MRE11: variants seen among roughly 807,000 people sequenced by gnomAD.
The protein encoded by MRE11 is double-strand break repair protein MRE11.
MRE11 carries 62 observed loss-of-function variants against 91.7 expected under a neutral mutation model. The observed-to-expected ratio is 0.68, with a 90% CI of 0.55 to 0.84. The LOEUF is 0.84. Ranked by LOEUF, MRE11 falls within the 40% of genes least tolerant of loss-of-function variation. The probability of loss-of-function intolerance (pLI) is 0.00; values close to 1 mark genes in which losing one functional copy is unlikely to be tolerated. For missense variants in MRE11, 796 were observed against 852.9 expected (o/e 0.93, Z 0.83); for synonymous variants, 273 against 271.4 (o/e 1.01, Z -0.06).
chr11:94,477,374 GA>G (rs1385307985), intron 6 of MRE11, among the ~76,000 whole-genome samples: 1 of 151,910 alleles, frequency 6.6e-6, no homozygotes, highest in Admixed American at 6.6e-5. Flanking sequence ...TCTAGTGAAA[GA>G]AACTAACAAA....
chr11:94,490,518 T>C (rs1947257447), intron 3 of MRE11, among the ~76,000 whole-genome samples: 1 of 152,224 alleles, frequency 6.6e-6, no homozygotes, highest in African/African-American at 2.4e-5. Context: ...TCACACCAGT[T>C]TTCTTCTACG....
chr11:94,457,396 G>A (rs754553581), intron 13 of MRE11, among the ~76,000 whole-genome samples: 1 of 152,216 alleles, frequency 6.6e-6, no homozygotes, highest in Non-Finnish European at 1.5e-5. Context: ...TTCTGCTCTA[G>A]AAGAGGAACA....
chr11:94,425,244 CA>C (rs1945281185), intron 19 of MRE11, among the ~76,000 whole-genome samples: 1 of 152,238 alleles, frequency 6.6e-6, no homozygotes, highest in East Asian at 1.9e-4. Context: ...CATATCCCAC[CA>C]AACTAAGCTT....
chr11:94,444,177 A>T (rs1481216129), intron 16 of MRE11, among the ~76,000 whole-genome samples: 1 of 152,022 alleles, frequency 6.6e-6, no homozygotes, highest in Non-Finnish European at 1.5e-5. Context: ...CCAAAGTGGT[A>T]GGATTATAGG....
In MRE11 at chr11:94,470,607, A is replaced by G. The variant is rs1591692940; in HGVS notation, c.881T>C (p.Met294Thr). Residue 294 changes from methionine (M) to threonine (T), a missense_variant, in exon 9 of 20, where the codon ATG (methionine) becomes ACG (threonine). Met to Thr is a moderately conservative substitution (Grantham distance 81, BLOSUM62 -1). Coordinates refer to ENST00000323929, the MANE Select transcript of MRE11 (RefSeq NM_005591.4). ...VGLLRIKGRKMNMHKIPLHTV... is the reference protein window; with the variant it reads ...VGLLRIKGRKTNMHKIPLHTV... ...GTGAAGAGGAATTTTATGCATATTC[A>G]TCTTCCTCCCTTTAATACGCAGCAA... 6.2e-7 allele frequency: 1 copy of G among 1,613,246 alleles called. No individual in the cohort carries two copies. Among genetic ancestry groups the G allele is most frequent in the Non-Finnish European group, 8.5e-7 (1 of 1,179,382 alleles).
At chr11:94,454,224 C>T (rs1035648955) in intron 14 of MRE11, among the ~76,000 whole-genome samples, 1 of 151,956 alleles carries the variant, frequency 6.6e-6, no homozygotes, top group African/African-American at 2.4e-5. Context: ...CAGGTGGGAG[C>T]TACCATGCCT....
chr11:94,453,974 CAT>C (rs1448035023), intron 14 of MRE11, among the ~76,000 whole-genome samples: 9 of 152,056 alleles, frequency 5.9e-5, no homozygotes, highest in African/African-American at 2.2e-4. Context: ...AGAGACCACA[CAT>C]GTCCCGCAAA....
At chr11:94,478,675 A>G in intron 6 of MRE11, 60 bp downstream of exon 6, 2 of 1,594,266 alleles carry the variant, frequency 1.3e-6, no homozygotes, top group Non-Finnish European at 1.7e-6. Flanking sequence ...TTATCTCCAA[A>G]TTTCTCAATT....
At chr11:94,439,158 T>C (rs1184433870) in intron 16 of MRE11, among the ~76,000 whole-genome samples, 1 of 152,166 alleles carries the variant, frequency 6.6e-6, no homozygotes. Context: ...AATTTGACCT[T>C]TATTTATCTC....
Position 94,492,766 on chromosome 11 carries a change from G to C in MRE11, c.20+16C>G. The C allele has an allele frequency of 1.9e-6, 3 of 1,613,942 alleles. No homozygotes were observed. The highest frequency in any genetic ancestry group is 2.5e-6 in the Non-Finnish European group (3 of 1,179,894). On this transcript the variant is annotated intron_variant, in intron 2 of 19. Transcript: ENST00000323929. ...AAACCCCAAATAACAAGGGATTCCAGAAGTCAGGTGCTTACAGTGCATCTG... is the reference window on the plus strand; with the variant it reads ...AAACCCCAAATAACAAGGGATTCCACAAGTCAGGTGCTTACAGTGCATCTG...
chr11:94,460,853 A>C (rs1591674557), intron 12 of MRE11, 83 bp downstream of exon 12: 1 of 1,129,720 alleles, frequency 8.9e-7, no homozygotes, highest in South Asian at 1.3e-5. Flanking sequence ...CATTTTGTTT[A>C]AACTATCAAC....
At chr11:94,443,951 G>A (rs1475436803) in intron 16 of MRE11, among the ~76,000 whole-genome samples, 3 of 130,418 alleles carry the variant, frequency 2.3e-5, no homozygotes, top group Admixed American at 8.6e-5. Context: ...GAGACGCTCC[G>A]TCACCCAGTT....
intron 9 of MRE11, 149 bp downstream of exon 9, chr11:94,470,322 A>C: frequency 1.3e-6 from 1 of 784,010 alleles, no homozygotes; most frequent in Non-Finnish European, 2.0e-6. Context: ...GACACAATTA[A>C]ACACATTCAC....
At position 94,471,866 on chromosome 11, in the gene MRE11, C is replaced by A. The variant is rs527825571; in HGVS notation, c.660-107G>T. ...CCATTCACTAAAGATTTTATTGCATCCTTCTATGTACCAGAAAGTGTGCAC... is the reference window on the plus strand; with the variant it reads ...CCATTCACTAAAGATTTTATTGCATACTTCTATGTACCAGAAAGTGTGCAC... On this transcript the variant is annotated intron_variant, in intron 7 of 19. Transcript: ENST00000323929. The A allele has an allele frequency of 1.6e-5, 14 of 871,014 alleles. No homozygotes were observed. The East Asian group carries it at 3.2e-4, about 20-fold the overall frequency. 54.0% of individuals were successfully genotyped at this position (871,014 alleles called of 1,614,324 possible).
chr11:94,480,732 C>T (rs1346564598), intron 4 of MRE11, among the ~76,000 whole-genome samples: 1 of 152,198 alleles, frequency 6.6e-6, no homozygotes, highest in African/African-American at 2.4e-5. Context: ...ACCTCACTAA[C>T]ACAGTAGGTC....
intron 18 of MRE11, among the ~76,000 whole-genome samples, chr11:94,430,193 C>A (rs1945427063): frequency 6.6e-6 from 1 of 152,190 alleles, no homozygotes; most frequent in Non-Finnish European, 1.5e-5. Flanking sequence ...CCCTTTACTA[C>A]CTATGTGGCT....
chr11:94,447,481 GT>G, intron 14 of MRE11, 43 bp from the exon 15 acceptor site: 1 of 1,561,196 alleles, frequency 6.4e-7, no homozygotes, highest in Non-Finnish European at 8.8e-7. Flanking sequence ...ATGAGATAAC[GT>G]ACCATCCTAA....
rs1945075315 is a variant in MRE11 at position 94,418,157 on chromosome 11, AATATT to A, written c.*1963_*1967del. On this transcript the variant is annotated 3_prime_UTR_variant, in exon 20 of 20. Transcript: ENST00000323929. ...AACAGATTTTGCAGGATCAATATAA[AATATT>A]AAGGATATATAGCACATTTAACTAT... is the stretch of plus-strand genomic sequence containing the variant. 1.3e-5 allele frequency: 3 copies of A among 233,122 alleles called. No individual in the cohort carries two copies. Among genetic ancestry groups the A allele is most frequent in the Non-Finnish European group, 2.5e-5 (3 of 117,972 alleles). The allele number at this position is 233,122 out of a possible 1,614,324, so 14.4% of individuals were successfully genotyped here. A position where few individuals can be genotyped will look rare whatever the true frequency, so the allele number is the denominator to read the frequency against.
the MRE11 span, among the ~76,000 whole-genome samples, chr11:94,499,766 G>A: frequency 6.6e-6 from 1 of 152,078 alleles, no homozygotes; most frequent in Non-Finnish European, 1.5e-5. Context: ...AACACTCCAG[G>A]GGAAGGGAAC....
Sources: allele counts gnomAD v4.1 joint callset (sites outside exome capture counted in the v4.1 genomes callset), GRCh38; gene constraint gnomAD v4.1.1; transcripts MANE v1.5; gene names NCBI Gene and HGNC (gene_info 2026-07-23, HGNC 2026-07-21).